RYR2: variants seen among roughly 807,000 people sequenced by gnomAD.
RYR2 encodes ryanodine receptor 2, also known as cardiac muscle ryanodine receptor-calcium release channel.
RYR2 carries 227 observed loss-of-function variants against 601.1 expected under a neutral mutation model. The observed-to-expected ratio is 0.38, with a 90% confidence interval of 0.34 to 0.42. The LOEUF is 0.42. RYR2 is among the 10% of genes least tolerant of loss of function. RYR2 has a pLI of 1.00. For synonymous variants in RYR2, 2,223 were observed against 2,175.1 expected (o/e 1.02, Z -0.61); for missense variants, 4,646 against 6,156.5 (o/e 0.75, Z 8.21).
Position 237,660,014 on chromosome 1 carries a change from A to G in RYR2, c.8238A>G (p.Ile2746Met), listed in dbSNP as rs371604667. Residue 2746 changes from isoleucine to methionine, a missense_variant, in exon 55 of 105, where the codon ATA (isoleucine) becomes ATG (methionine). By Grantham distance (10) the Ile-to-Met change is conservative. This residue lies in a region of RYR2 where 1,497 missense variants were observed against 1,842.6 expected (regional missense o/e 0.81). Transcript: ENST00000366574. Reference protein sequence around the residue: ...KLANGWIYGEIYSDSSKVQPL... With the variant: ...KLANGWIYGEMYSDSSKVQPL... ...CAAATGGATGGATTTATGGAGAAATATATTCAGACTCTTCTAAGGTTCAGC... is the reference window on the plus strand; with the variant it reads ...CAAATGGATGGATTTATGGAGAAATGTATTCAGACTCTTCTAAGGTTCAGC... 1 of 1,591,144 alleles carries G rather than the reference A, an allele frequency of 6.3e-7. No individual in the cohort carries two copies. Among genetic ancestry groups the G allele is most frequent in the African/African-American group, 1.4e-5 (1 of 73,750 alleles).
At chr1:237,660,628 A>G (rs1317558394) in intron 55 of RYR2, among the ~76,000 whole-genome samples, 182 bp from the exon 56 acceptor site, 1 of 152,224 alleles carries the variant, frequency 6.6e-6, no homozygotes, top group African/African-American at 2.4e-5. Context: ...TAACATTAGT[A>G]AAACTAGATC....
intron 14 of RYR2, among the ~76,000 whole-genome samples, chr1:237,450,234 C>T (rs184500489): frequency 5.5e-4 from 83 of 152,156 alleles, no homozygotes; most frequent in African/African-American, 1.8e-3. Flanking sequence ...TGAGGGGGAC[C>T]TTCTGTAGGT....
rs114271018 is a variant in RYR2, at chr1:237,258,748, A to C, written c.49-11749A>C. ...GGACAGCCCTGAGTGAGACTGAATC[A>C]GTTGGTTGACAACAGACTGTGACAG... On this transcript the variant is annotated intron_variant, in intron 1 of 104. Transcript: ENST00000366574. 2.2e-3 allele frequency among the ~76,000 whole-genome samples: 329 copies of C among 152,330 alleles called. 1 individual carries two copies. The highest frequency in any genetic ancestry group is 6.8e-3 in the Middle Eastern group (2 of 294).
chr1:237,323,582 G>T (rs1695850347), intron 2 of RYR2, among the ~76,000 whole-genome samples: 1 of 152,112 alleles, frequency 6.6e-6, no homozygotes, highest in Non-Finnish European at 1.5e-5. Flanking sequence ...AATATTAAAG[G>T]ATGTTGTATT....
At chr1:237,043,923 A>C (rs554919306) in intron 1 of RYR2, among the ~76,000 whole-genome samples, 1 of 152,252 alleles carries the variant, frequency 6.6e-6, no homozygotes, top group Non-Finnish European at 1.5e-5. Flanking sequence ...GGAACGTTGT[A>C]AACGACTGTC....
chr1:237,397,905 T>A (rs1211064722), intron 10 of RYR2, among the ~76,000 whole-genome samples: 1 of 152,036 alleles, frequency 6.6e-6, no homozygotes, highest in East Asian at 1.9e-4. Flanking sequence ...GTATTTTTAG[T>A]AGAGACAGGG....
chr1:237,180,702 A>ATATATATACT lies in RYR2; in HGVS notation c.49-89789_49-89788insTACTTATATA, dbSNP rs1678637976. ...TATGTGTATATATGTATATATAAGT[A>ATATATATACT]TATATACACATATATACATATACAT... On this transcript the variant is annotated intron_variant, in intron 1 of 104. Transcript: ENST00000366574. The surrounding 1 kb of genome is among the most constrained non-coding windows in gnomAD (Gnocchi z 5.3). Among the ~76,000 whole-genome samples, 1 of 147,098 alleles carries ATATATATACT rather than the reference A, an allele frequency of 6.8e-6. No individual in the cohort carries two copies. The highest frequency in any genetic ancestry group is 1.5e-5 in the Non-Finnish European group (1 of 66,842).
chr1:237,197,157 A>G (rs539990598), intron 1 of RYR2, among the ~76,000 whole-genome samples: 4 of 152,278 alleles, frequency 2.6e-5, no homozygotes, highest in African/African-American at 9.6e-5. Flanking sequence ...TAATTTACCG[A>G]AAGATTCCAT....
At chr1:237,724,184 CATATATATATATATATATAT>C (rs35705894) in intron 74 of RYR2, among the ~76,000 whole-genome samples, 3 of 137,000 alleles carry the variant, frequency 2.2e-5, no homozygotes, top group Admixed American at 7.5e-5. Flanking sequence ...TGTGTGTGTG[CATATATATATATATATATAT>C]ATATATATAT....
chr1:237,333,229 C>T (rs1358044616), intron 3 of RYR2, among the ~76,000 whole-genome samples: 2 of 152,188 alleles, frequency 1.3e-5, no homozygotes, highest in Non-Finnish European at 2.9e-5. Context: ...TTGCATGAAG[C>T]TGAAACCTAT....
At chr1:237,308,422 G>A (rs552521905) in intron 2 of RYR2, among the ~76,000 whole-genome samples, 1 of 152,114 alleles carries the variant, frequency 6.6e-6, no homozygotes, top group Non-Finnish European at 1.5e-5. Flanking sequence ...GCTTTGCACT[G>A]CGCACTCACC....
chr1:237,479,949 C>G (rs73110414), intron 17 of RYR2, among the ~76,000 whole-genome samples: 4 of 152,114 alleles, frequency 2.6e-5, no homozygotes, highest in African/African-American at 9.7e-5. Flanking sequence ...AGGAATGAAC[C>G]TCTGTAGTCT....
chr1:237,103,009 AC>A (rs1349378250), intron 1 of RYR2, among the ~76,000 whole-genome samples: 83 of 152,312 alleles, frequency 5.4e-4, no homozygotes, highest in African/African-American at 1.9e-3. Flanking sequence ...ATCTTATGAA[AC>A]AGAAACTCCA....
intron 10 of RYR2, among the ~76,000 whole-genome samples, chr1:237,408,662 T>TAG (rs1473793310): frequency 6.6e-6 from 1 of 152,108 alleles, no homozygotes; most frequent in Non-Finnish European, 1.5e-5. Context: ...GGCTCTTCTA[T>TAG]GTCTTTCACT....
chr1:237,824,542 G>A (rs557648974), intron 101 of RYR2, among the ~76,000 whole-genome samples: 107 of 127,250 alleles, frequency 8.4e-4, no homozygotes, highest in African/African-American at 3.4e-3. Context: ...AATAATAAGA[G>A]CTATATATGA....
chr1:237,115,497 A>G (rs1370236419), intron 1 of RYR2, among the ~76,000 whole-genome samples: 2 of 152,236 alleles, frequency 1.3e-5, no homozygotes, highest in African/African-American at 4.8e-5. Flanking sequence ...AACAATGGCA[A>G]GTGTTTTGTG....
At chr1:237,114,248 C>A (rs1669819861) in intron 1 of RYR2, among the ~76,000 whole-genome samples, 1 of 152,146 alleles carries the variant, frequency 6.6e-6, no homozygotes, top group Non-Finnish European at 1.5e-5. Context: ...TAGGATTGGC[C>A]CAGATGCCAC....
At chr1:237,336,337 T>C (rs536206007) in intron 3 of RYR2, among the ~76,000 whole-genome samples, 8 of 152,298 alleles carry the variant, frequency 5.3e-5, no homozygotes, top group Admixed American at 5.2e-4. Context: ...AGGAAGACAA[T>C]CCAAAACATG....
At chr1:237,314,624 A>G (rs750525958) in intron 2 of RYR2, among the ~76,000 whole-genome samples, 1 of 152,210 alleles carries the variant, frequency 6.6e-6, no homozygotes, top group Admixed American at 6.5e-5. Flanking sequence ...TTACAGGTGC[A>G]TCGTAAATTG....
Sources: gnomAD v4.1 joint callset for allele counts (sites outside exome capture counted in the v4.1 genomes callset) on GRCh38, gnomAD v4.1.1 for gene constraint, gnomAD v4.1.1 regional missense constraint, Gnocchi (gnomAD v3.1) non-coding constraint, MANE v1.5 for transcripts, NCBI Gene and HGNC (gene_info 2026-07-23, HGNC 2026-07-21) for gene names.